Variants in CLCC1 observed in about 807,000 individuals in gnomAD.
CLCC1 encodes the protein chloride channel CLIC-like protein 1.
Under a neutral mutation model 63.3 loss-of-function variants are expected in CLCC1, and 39 were observed. That is an observed-to-expected ratio of 0.62 (90% CI 0.48 to 0.81). The LOEUF (loss-of-function observed/expected upper bound fraction) is 0.81, where lower values mean the gene tolerates loss of function less well. Ranked by LOEUF, CLCC1 falls within the 30% of genes least tolerant of loss-of-function variation. The probability of loss-of-function intolerance (pLI) is 0.00; values close to 1 mark genes in which losing one functional copy is unlikely to be tolerated. For missense variants in CLCC1, 549 were observed against 669.4 expected, an observed-to-expected ratio of 0.82 and a Z score of 1.98; for synonymous variants, 217 against 239.8, an observed-to-expected ratio of 0.90 and a Z score of 0.88.
intron 5 of CLCC1, among the ~76,000 whole-genome samples, chr1:108,944,464 G>A (rs1336384389): frequency 6.6e-6 from 1 of 150,630 alleles, no homozygotes; most frequent in Non-Finnish European, 1.5e-5. Flanking sequence ...GTAAGACCCT[G>A]TCTCTAAAAA....
intron 6 of CLCC1, 107 bp from the exon 7 acceptor site, chr1:108,943,722 A>G: frequency 6.8e-7 from 1 of 1,476,836 alleles, no homozygotes; most frequent in Non-Finnish European, 9.3e-7. Flanking sequence ...TGGCTTGTTC[A>G]TCAATACGGT....
chr1:108,950,545 A>G, intron 2 of CLCC1, 97 bp from the exon 3 acceptor site: 1 of 669,500 alleles, frequency 1.5e-6, no homozygotes, highest in Non-Finnish European at 2.1e-6. Flanking sequence ...TTTTAGAGAC[A>G]GGGTCTTGCT....
At chr1:108,944,137 AATTTGGAACTAAAT>A (rs1355881394) in intron 5 of CLCC1, 80 bp from the exon 6 acceptor site, 6 of 982,952 alleles carry the variant, frequency 6.1e-6, no homozygotes, top group Non-Finnish European at 9.0e-6. Context: ...GACAAAAGCC[AATTTGGAACTAAAT>A]ATTAGTTTGC....
At chr1:108,963,246 G>A (rs2101746033) in intron 1 of CLCC1, 115 bp downstream of exon 1, 1 of 609,374 alleles carries the variant, frequency 1.6e-6, no homozygotes, top group Non-Finnish European at 3.0e-6. Flanking sequence ...CCCGCCCCGG[G>A]TCGCGCCTGC....
chr1:108,948,267 C>T (rs1270425723), intron 4 of CLCC1, among the ~76,000 whole-genome samples: 1 of 152,144 alleles, frequency 6.6e-6, no homozygotes, highest in Non-Finnish European at 1.5e-5. Flanking sequence ...GTATGGAATG[C>T]TCAGGAAGGC....
chr1:108,959,161 T>C (rs2101726835), intron 2 of CLCC1, among the ~76,000 whole-genome samples: 1 of 152,026 alleles, frequency 6.6e-6, no homozygotes, highest in Non-Finnish European at 1.5e-5. Flanking sequence ...GCAACAACAG[T>C]GAAACACCGT....
In CLCC1 at chr1:108,950,442, T is replaced by C; in HGVS notation, c.-5A>G. On this transcript the variant is annotated 5_prime_UTR_variant, in exon 3 of 13. The change creates a new upstream start codon in the 5' untranslated region. Coordinates refer to ENST00000369969, the MANE Select transcript of CLCC1 (RefSeq NM_001377458.1). ...AAGGAGCAAAGAACACAGCATCCTG[T>C]ATAAGGCTAAAACAATTTTTAATAT... 6.4e-7 allele frequency: 1 copy of C among 1,563,422 alleles called. No individual in the cohort carries two copies. The highest frequency in any genetic ancestry group is 1.2e-5 in the South Asian group (1 of 81,014).
At chr1:108,950,279 T>A in intron 3 of CLCC1, 30 bp downstream of exon 3, 1 of 1,597,634 alleles carries the variant, frequency 6.3e-7, no homozygotes, top group Non-Finnish European at 8.5e-7. Flanking sequence ...TGATAAGGTC[T>A]CACACACATG....
At chr1:108,947,566 A>C in intron 5 of CLCC1, 45 bp downstream of exon 5, 1 of 1,111,380 alleles carries the variant, frequency 9.0e-7, no homozygotes, top group African/African-American at 1.6e-5. Context: ...TTAATAAATA[A>C]AAATATACAC....
chr1:108,956,072 C>T (rs1481045516), intron 2 of CLCC1, among the ~76,000 whole-genome samples: 2 of 151,548 alleles, frequency 1.3e-5, no homozygotes, highest in Non-Finnish European at 2.9e-5. Flanking sequence ...CTGGAGAATC[C>T]TAAGACAGAA....
intron 9 of CLCC1, 88 bp from the exon 10 acceptor site, chr1:108,939,870 G>C: frequency 7.1e-7 from 1 of 1,403,940 alleles, no homozygotes; most frequent in Non-Finnish European, 9.7e-7. Flanking sequence ...GATGCTGAAA[G>C]TATGTTACAT....
At chr1:108,958,397 G>C (rs575441785) in intron 2 of CLCC1, among the ~76,000 whole-genome samples, 1 of 151,674 alleles carries the variant, frequency 6.6e-6, no homozygotes, top group East Asian at 1.9e-4. Flanking sequence ...CCACACTGTA[G>C]GTGTCACACT....
intron 2 of CLCC1, among the ~76,000 whole-genome samples, chr1:108,956,882 A>AGGGAAGCG (rs1553223049): frequency 1.6e-4 from 17 of 104,420 alleles, no homozygotes; most frequent in African/African-American, 6.2e-4. Flanking sequence ...GCTGGGAGGC[A>AGGGAAGCG]GGGAGGCGGG....
intron 2 of CLCC1, among the ~76,000 whole-genome samples, chr1:108,957,228 C>T (rs149406162): frequency 6.6e-6 from 1 of 151,644 alleles, no homozygotes; most frequent in Non-Finnish European, 1.5e-5. Context: ...CATATTTCTT[C>T]TTCCTTCTGG....
chr1:108,960,852 A>T (rs1037671864), intron 2 of CLCC1, among the ~76,000 whole-genome samples: 9 of 151,326 alleles, frequency 5.9e-5, no homozygotes, highest in African/African-American at 2.2e-4. Context: ...AGCAGTTGAG[A>T]TTTTTTTTTC....
chr1:108,937,856 C>T (rs1220038193), intron 10 of CLCC1, among the ~76,000 whole-genome samples: 1 of 152,172 alleles, frequency 6.6e-6, no homozygotes, highest in African/African-American at 2.4e-5. Context: ...TAAGTTACAG[C>T]TAAAATTCAA....
In CLCC1 at chr1:108,929,744, C is replaced by T; in HGVS notation, c.*2803G>A. On this transcript the variant is annotated 3_prime_UTR_variant, in exon 13 of 13. Transcript: ENST00000369969. ...CAAAGATGTGCTCCACCACCTGCTACCACAAAGGGTCCGACAGTACCAGAT... is the reference window on the plus strand; with the variant it reads ...CAAAGATGTGCTCCACCACCTGCTATCACAAAGGGTCCGACAGTACCAGAT... 1 of 1,613,050 alleles carries T rather than the reference C, an allele frequency of 6.2e-7. No individual in the cohort carries two copies. Among genetic ancestry groups the T allele is most frequent in the Non-Finnish European group, 8.5e-7 (1 of 1,179,042 alleles).
Position 108,943,000 on chromosome 1 carries a change from CTCAGGT to C in CLCC1, c.702+469_702+474del, listed in dbSNP as rs570808304. Among the ~76,000 whole-genome samples the C allele has an allele frequency of 5.4e-3, 816 of 152,150 alleles. 4 individuals are homozygous for C. The highest frequency in any genetic ancestry group is 0.019 in the African/African-American group (771 of 41,498). ...GCGCAATCTTGGCTCACTGCAACCT[CTCAGGT>C]TCAAGCAATTCTCCTGCCTCAGCCT... is the stretch of plus-strand genomic sequence containing the variant. On this transcript the variant is annotated intron_variant, in intron 7 of 12. Transcript: ENST00000369969.
chr1:108,937,224 A>G lies in CLCC1; in HGVS notation c.1236T>C (p.Tyr412=), dbSNP rs1653148007. 6.2e-7 allele frequency: 1 copy of G among 1,613,534 alleles called. No individual in the cohort carries two copies. Among genetic ancestry groups the G allele is most frequent in the Non-Finnish European group, 8.5e-7 (1 of 1,179,836 alleles). Residue 412 remains tyrosine, a synonymous_variant, in exon 11 of 13, where the codon TAT becomes TAC. Transcript: ENST00000369969. ...CTCTTCTACCCTCATACGTTTTGGC[A>G]TAAGGGCCTTGCTCAGTGGGGCCCA... is the stretch of plus-strand genomic sequence containing the variant. ...GQMGPTEQGP[Y]AKTYEGRREI... is the part of the protein sequence containing the mutation.
Sources: allele counts gnomAD v4.1 joint callset (sites outside exome capture counted in the v4.1 genomes callset), GRCh38; gene constraint gnomAD v4.1.1; transcripts MANE v1.5; gene names NCBI Gene and HGNC (gene_info 2026-07-23, HGNC 2026-07-21).